The following KCNIP4 variants were observed in gnomAD, a reference collection of about 807,000 sequenced individuals.
The protein encoded by KCNIP4 is Kv channel-interacting protein 4.
Under a neutral mutation model 34.0 loss-of-function variants are expected in KCNIP4, and 12 were observed. That is an observed-to-expected ratio of 0.35 (90% CI 0.23 to 0.57). The LOEUF is 0.57. Among genes scored for constraint, KCNIP4 ranks in the 20% least tolerant of loss-of-function variants. The pLI, the probability that KCNIP4 is intolerant of heterozygous loss-of-function variation, is 0.83. For synonymous variants in KCNIP4, 124 were observed against 102.2 expected (o/e 1.21, Z -1.29); for missense variants, 238 against 311.7 (o/e 0.76, Z 1.78).
At chr4:21,476,331 T>G (rs1387125950) in intron 1 of KCNIP4, among the ~76,000 whole-genome samples, 2 of 152,196 alleles carry the variant, frequency 1.3e-5, no homozygotes, top group Non-Finnish European at 2.9e-5. Flanking sequence ...GAATATCATA[T>G]GTTGAAGCCG....
chr4:20,789,612 C>T (rs73802330), intron 3 of KCNIP4, among the ~76,000 whole-genome samples: 2 of 152,022 alleles, frequency 1.3e-5, no homozygotes, highest in African/African-American at 4.8e-5. Flanking sequence ...TTGCTGCAAT[C>T]AAAGGCCTCG....
intron 1 of KCNIP4, among the ~76,000 whole-genome samples, chr4:20,894,700 C>T (rs79885260): frequency 0.025 from 3,738 of 152,202 alleles, 68 homozygotes; most frequent in Non-Finnish European, 0.041. Context: ...TAATTAAGCA[C>T]CTATTTGGCA....
At position 20,963,275 on chromosome 4, in the gene KCNIP4, C is replaced by T. The variant is rs143215911; in HGVS notation, c.62-80566G>A. On this transcript the variant is annotated intron_variant, in intron 1 of 8. Coordinates refer to ENST00000382152, the MANE Select transcript of KCNIP4 (RefSeq NM_025221.6). ...CCGGGAATCAGAGGTTGCAGTGAGC[C>T]GAAATTGCACCACTGCACTCCAGCC... Among the ~76,000 whole-genome samples, 17 of 151,388 alleles carry T rather than the reference C, an allele frequency of 1.1e-4. No individual in the cohort carries two copies. In the East Asian group the frequency reaches 1.6e-3, roughly 14 times the overall value.
At chr4:21,148,500 C>G (rs1361117172) in intron 1 of KCNIP4, among the ~76,000 whole-genome samples, 1 of 152,130 alleles carries the variant, frequency 6.6e-6, no homozygotes, top group Non-Finnish European at 1.5e-5. Context: ...TCAAGGCATG[C>G]TTACACCGTT....
intron 1 of KCNIP4, among the ~76,000 whole-genome samples, chr4:21,685,803 A>G (rs1750762527): frequency 6.6e-6 from 1 of 152,190 alleles, no homozygotes; most frequent in Non-Finnish European, 1.5e-5. Context: ...TACCACTTTG[A>G]GTGCAAACAA....
At chr4:21,711,927 G>A (rs1002830097) in intron 1 of KCNIP4, among the ~76,000 whole-genome samples, 18 of 152,074 alleles carry the variant, frequency 1.2e-4, no homozygotes, top group African/African-American at 3.6e-4. Flanking sequence ...ACTGAGGCTG[G>A]GAAGGGTTAA....
At chr4:21,098,622 T>C (rs1747666908) in intron 1 of KCNIP4, among the ~76,000 whole-genome samples, 1 of 152,130 alleles carries the variant, frequency 6.6e-6, no homozygotes, top group African/African-American at 2.4e-5. Context: ...TGTTGGGAAC[T>C]ACTGTTCAGA....
At chr4:21,233,762 T>A (rs898914110) in intron 1 of KCNIP4, among the ~76,000 whole-genome samples, 1 of 148,244 alleles carries the variant, frequency 6.7e-6, no homozygotes, top group Admixed American at 6.9e-5. Flanking sequence ...CCACTGACCT[T>A]CAAAATATTT....
chr4:20,945,306 A>T (rs1247412964), intron 1 of KCNIP4, among the ~76,000 whole-genome samples: 1 of 152,214 alleles, frequency 6.6e-6, no homozygotes, highest in Admixed American at 6.5e-5. Context: ...AGAGAGGGAC[A>T]CTGCCAAGTG....
At chr4:21,331,497 A>C (rs1307890511) in intron 1 of KCNIP4, among the ~76,000 whole-genome samples, 1 of 152,084 alleles carries the variant, frequency 6.6e-6, no homozygotes, top group East Asian at 1.9e-4. Flanking sequence ...GGAGTCATCT[A>C]TTTCCTTTGC....
At chr4:21,830,109 C>T (rs182390782) in intron 1 of KCNIP4, among the ~76,000 whole-genome samples, 1 of 152,270 alleles carries the variant, frequency 6.6e-6, no homozygotes, top group African/African-American at 2.4e-5. Context: ...AGACTCACTT[C>T]ATCTTTGAGG....
At chr4:21,843,052 T>A (rs916021240) in intron 1 of KCNIP4, among the ~76,000 whole-genome samples, 18 of 152,128 alleles carry the variant, frequency 1.2e-4, no homozygotes, top group African/African-American at 3.6e-4. Context: ...TGCTTTATAT[T>A]ATTTTAAAGT....
At chr4:21,519,802 T>TGTGTGTATGTGTGTGTGTATACAC (rs1560481447) in intron 1 of KCNIP4, among the ~76,000 whole-genome samples, 45 of 137,936 alleles carry the variant, frequency 3.3e-4, no homozygotes, top group Admixed American at 7.3e-4. Context: ...TGTATACACG[T>TGTGTGTATGTGTGTGTGTATACAC]GTGTGTATGT....
intron 1 of KCNIP4, among the ~76,000 whole-genome samples, chr4:21,504,504 A>AAAGAAAGAAAGAAAGAAAGAAAGG (rs1451213413): frequency 2.2e-5 from 3 of 133,632 alleles, no homozygotes; most frequent in African/African-American, 8.3e-5. Context: ...AGAAAGAAAG[A>AAAGAAAGAAAGAAAGAAAGAAAGG]AAGGAAGGAA....
intron 1 of KCNIP4, among the ~76,000 whole-genome samples, chr4:21,754,393 GC>G (rs1717369030): frequency 6.6e-6 from 1 of 152,160 alleles, no homozygotes; most frequent in Non-Finnish European, 1.5e-5. Flanking sequence ...TTTCAGGGCA[GC>G]CAACTTGGTT....
chr4:21,066,437 TCA>T (rs760815760), intron 1 of KCNIP4, among the ~76,000 whole-genome samples: 58 of 152,286 alleles, frequency 3.8e-4, no homozygotes, highest in Non-Finnish European at 6.5e-4. Flanking sequence ...TAGCTGGTTT[TCA>T]CATCATATTG....
chr4:21,507,634 T>C (rs6850575), intron 1 of KCNIP4, among the ~76,000 whole-genome samples: 11,808 of 152,154 alleles, frequency 0.078, 1,425 homozygotes, highest in African/African-American at 0.26. Context: ...CTAGGTGGTG[T>C]TGGAGACAAA....
intron 1 of KCNIP4, among the ~76,000 whole-genome samples, chr4:21,577,619 G>A (rs1051309194): frequency 8.2e-5 from 11 of 133,916 alleles, no homozygotes; most frequent in African/African-American, 2.7e-4. Context: ...TAACAAGAGC[G>A]AAACTCCATC....
intron 1 of KCNIP4, among the ~76,000 whole-genome samples, chr4:21,323,206 G>T (rs781042770): frequency 2.7e-5 from 4 of 149,016 alleles, no homozygotes; most frequent in Non-Finnish European, 5.9e-5. Context: ...GCAGGCATGT[G>T]GTGTGTAATA....
Sources: gnomAD v4.1 joint callset for allele counts (sites outside exome capture counted in the v4.1 genomes callset) on GRCh38, gnomAD v4.1.1 for gene constraint, MANE v1.5 for transcripts, NCBI Gene and HGNC (gene_info 2026-07-23, HGNC 2026-07-21) for gene names.